Variants in SHISA9 observed in about 807,000 individuals in gnomAD.
The protein encoded by SHISA9 is protein shisa-9.
A neutral mutation model predicts 38.0 loss-of-function variants in SHISA9; 13 were observed. The ratio of observed to expected loss-of-function variants is 0.34; its 90% CI spans 0.22 to 0.54. SHISA9 has a LOEUF of 0.54. Ranked by LOEUF, SHISA9 falls within the 20% of genes least tolerant of loss-of-function variation. SHISA9 has a pLI of 0.91. For synonymous variants in SHISA9, 275 were observed against 242.0 expected, an observed-to-expected ratio of 1.14 and a Z score of -1.27; for missense variants, 538 against 575.8, an observed-to-expected ratio of 0.93 and a Z score of 0.67.
the SHISA9 span, among the ~76,000 whole-genome samples, chr16:13,291,167 G>A: frequency 6.6e-6 from 1 of 152,064 alleles, no homozygotes; most frequent in African/African-American, 2.4e-5. Context: ...CTTATGTGGT[G>A]GTCTCAGAGA....
At chr16:13,103,418 A>C (rs1055231226) in intron 2 of SHISA9, among the ~76,000 whole-genome samples, 7 of 152,344 alleles carry the variant, frequency 4.6e-5, no homozygotes, top group African/African-American at 1.7e-4. Context: ...TTGAGGTCAC[A>C]GAGTGTCCTT....
At chr16:13,375,529 A>G in the SHISA9 span, among the ~76,000 whole-genome samples, 36 of 152,150 alleles carry the variant, frequency 2.4e-4, no homozygotes, top group African/African-American at 8.7e-4. Context: ...CCATTGGTCT[A>G]TATCTCTGTT....
At chr16:13,107,459 CAAAA>C (rs978611589) in intron 2 of SHISA9, among the ~76,000 whole-genome samples, 4 of 132,910 alleles carry the variant, frequency 3.0e-5, no homozygotes, top group Non-Finnish European at 4.8e-5. Flanking sequence ...AACAAACAAA[CAAAA>C]AAACAACAGA....
chr16:12,940,451 C>T (rs1245437231), intron 2 of SHISA9, among the ~76,000 whole-genome samples: 1 of 148,696 alleles, frequency 6.7e-6, no homozygotes, highest in African/African-American at 2.5e-5. Flanking sequence ...TCTCTCTTCT[C>T]ACCTCACTAT....
intron 2 of SHISA9, among the ~76,000 whole-genome samples, chr16:13,148,842 G>C (rs2142002636): frequency 6.6e-6 from 1 of 151,754 alleles, no homozygotes; most frequent in East Asian, 1.9e-4. Flanking sequence ...AAAATTTTAA[G>C]TCTAAAAAGT....
the SHISA9 span, among the ~76,000 whole-genome samples, chr16:13,528,197 C>T: frequency 1.3e-5 from 2 of 152,214 alleles, no homozygotes; most frequent in South Asian, 4.2e-4. Context: ...AGATCATAGA[C>T]CCGAGCATGA....
chr16:12,908,453 T>C (rs747107989), intron 1 of SHISA9: 2 of 1,551,484 alleles, frequency 1.3e-6, no homozygotes, highest in South Asian at 1.2e-5. Flanking sequence ...TCTCGTTTAA[T>C]TTCATACCCT....
the SHISA9 span, among the ~76,000 whole-genome samples, chr16:13,278,420 G>A: frequency 6.6e-6 from 1 of 151,912 alleles, no homozygotes; most frequent in African/African-American, 2.4e-5. Flanking sequence ...TTAGGGTGAC[G>A]TTGGCTTCAT....
chr16:13,243,251 AAAG>A (rs200255306), downstream of SHISA9, among the ~76,000 whole-genome samples: 11,730 of 142,988 alleles, frequency 0.082, 431 homozygotes, highest in Non-Finnish European at 0.088. Context: ...AAAAAAAAAA[AAAG>A]AAAGAAAGTT....
chr16:13,510,821 C>A, the SHISA9 span, among the ~76,000 whole-genome samples: 1 of 151,646 alleles, frequency 6.6e-6, no homozygotes, highest in African/African-American at 2.4e-5. Context: ...AGGTAATAGA[C>A]TAAGAATTGT....
chr16:12,971,100 T>C (rs1229122925), intron 2 of SHISA9, among the ~76,000 whole-genome samples: 1 of 152,184 alleles, frequency 6.6e-6, no homozygotes, highest in Non-Finnish European at 1.5e-5. Flanking sequence ...GGCAGGAAGC[T>C]AGGCATTGCT....
chr16:13,154,106 C>G (rs1343127107), intron 2 of SHISA9, among the ~76,000 whole-genome samples: 1 of 152,180 alleles, frequency 6.6e-6, no homozygotes, highest in East Asian at 1.9e-4. Context: ...AAGCACCTAT[C>G]ATGTGCTGAG....
chr16:13,260,078 G>A, the SHISA9 span, among the ~76,000 whole-genome samples: 18 of 132,262 alleles, frequency 1.4e-4, no homozygotes, highest in African/African-American at 4.7e-4. Context: ...GTGCAGTGGC[G>A]TGATCTCGGC....
At chr16:13,316,344 G>A in the SHISA9 span, among the ~76,000 whole-genome samples, 1 of 152,272 alleles carries the variant, frequency 6.6e-6, no homozygotes, top group Admixed American at 6.5e-5. Context: ...AGGGGATTCT[G>A]TGTGTAGGTT....
intron 2 of SHISA9, among the ~76,000 whole-genome samples, chr16:12,961,999 G>A (rs1404064026): frequency 2.0e-5 from 3 of 152,226 alleles, no homozygotes; most frequent in Non-Finnish European, 4.4e-5. Flanking sequence ...GTCTGTCCCT[G>A]TGGCGACGTC....
chr16:13,265,562 C>A, the SHISA9 span, among the ~76,000 whole-genome samples: 71 of 133,756 alleles, frequency 5.3e-4, 2 homozygotes, highest in Middle Eastern at 0.012. Context: ...CCCTCCACTC[C>A]CCTACCTTCA....
At chr16:12,999,647 T>G (rs534875196) in intron 2 of SHISA9, among the ~76,000 whole-genome samples, 36 of 152,336 alleles carry the variant, frequency 2.4e-4, no homozygotes, top group South Asian at 6.2e-4. Context: ...GCATGGGGCC[T>G]GATAGATGTT....
At chr16:13,019,920 TTTCTTTCTTTC>T (rs2072821894) in intron 2 of SHISA9, among the ~76,000 whole-genome samples, 5 of 88,538 alleles carry the variant, frequency 5.6e-5, no homozygotes, top group East Asian at 5.3e-4. Flanking sequence ...TCTTTCTTTC[TTTCTTTCTTTC>T]TTTCTTTCTT....
the SHISA9 span, among the ~76,000 whole-genome samples, chr16:13,491,818 C>CTTTTTTTTTTTTT: frequency 6.7e-5 from 3 of 44,550 alleles, no homozygotes; most frequent in Non-Finnish European, 1.2e-4. Context: ...ATTTATTGAC[C>CTTTTTTTTTTTTT]TTTTTTTTTT....
Sources: gnomAD v4.1 joint callset for allele counts (sites outside exome capture counted in the v4.1 genomes callset) on GRCh38, gnomAD v4.1.1 for gene constraint, MANE v1.5 for transcripts, NCBI Gene and HGNC (gene_info 2026-07-23, HGNC 2026-07-21) for gene names.